PLA2G4F: variants seen among roughly 807,000 people sequenced by gnomAD.
PLA2G4F encodes cytosolic phospholipase A2 zeta.
Under a neutral mutation model 103.1 loss-of-function variants are expected in PLA2G4F, and 105 were observed. That is an observed-to-expected ratio of 1.02 (90% CI 0.87 to 1.20). The LOEUF is 1.20. Among genes scored for constraint, PLA2G4F ranks in the 50% most tolerant of loss-of-function variants. The pLI is 0.00. For synonymous variants in PLA2G4F, 468 were observed against 441.1 expected, an observed-to-expected ratio of 1.06 and a Z score of -0.76; for missense variants, 1,155 against 1,075.9, an observed-to-expected ratio of 1.07 and a Z score of -1.03.
intron 13 of PLA2G4F, 45 bp downstream of exon 13, chr15:42,147,079 G>T: frequency 6.5e-7 from 1 of 1,544,394 alleles, no homozygotes. Flanking sequence ...GCGGGTGGAA[G>T]GAGTGGAGAG....
Position 42,145,802 on chromosome 15 carries a change from G to A in PLA2G4F, c.1636C>T (p.Gln546Ter), listed in dbSNP as rs148651723. Residue 546 changes from glutamine to a stop codon, truncating the protein, a stop_gained, in exon 15 of 20, where the codon CAG becomes TAG. Coordinates refer to ENST00000397272, the MANE Select transcript of PLA2G4F (RefSeq NM_213600.4). LOFTEE classifies it high-confidence loss of function. Reference sequence around the variant, plus strand: ...CAGATCCGGGGTTCAGGCTGGAGCTGCAGCAATCGTCCCATGAAGAGTTCT... The same window carrying A: ...CAGATCCGGGGTTCAGGCTGGAGCTACAGCAATCGTCCCATGAAGAGTTCT... The part of the protein sequence containing the change: ...GSELFMGRLL[Q>*]LQPEPRICYL... 10 of 1,614,000 alleles carry A rather than the reference G, an allele frequency of 6.2e-6. No individual in the cohort carries two copies. The African/African-American group carries it at 1.1e-4, about 17-fold the overall frequency.
Position 42,150,086 on chromosome 15 carries a change from G to A in PLA2G4F, c.923+18C>T. On this transcript the variant is annotated intron_variant, in intron 10 of 19. Transcript: ENST00000397272. ...CTAGCCCAGCCCCAAGAGGCCTTCT[G>A]CCTGGAGTCCCACTCACCTCATTTC... is the stretch of plus-strand genomic sequence containing the variant. 1 of 1,614,136 alleles carries A rather than the reference G, an allele frequency of 6.2e-7. No homozygotes were observed. The highest frequency in any genetic ancestry group is 8.5e-7 in the Non-Finnish European group (1 of 1,180,008).
At chr15:42,147,506 C>T in intron 12 of PLA2G4F, 120 bp downstream of exon 12, 4 of 1,400,200 alleles carry the variant, frequency 2.9e-6, no homozygotes, top group African/African-American at 2.8e-5. Flanking sequence ...TCTTCCTGCC[C>T]CTCCTAACAC....
rs756692917 is a variant in PLA2G4F, at chr15:42,144,576, G to A, written c.1849C>T (p.Pro617Ser). ...LRTRLLTPQG[P>S]FSQAVLDIFT... ...ATGTCCAGCACAGCCTGGGAGAAGG[G>A]CCCCTGTGGGGTGAGGAGCCTCGTT... The change falls in exon 17 of 20, where the codon CCC becomes TCC. Residue 617 changes from proline to serine, a missense_variant. Transcript: ENST00000397272. The A allele has an allele frequency of 8.7e-6, 14 of 1,613,326 alleles. No individual in the cohort carries two copies. The East Asian group carries it at 2.9e-4, about 33-fold the overall frequency.
intron 18 of PLA2G4F, among the ~76,000 whole-genome samples, 184 bp downstream of exon 18, chr15:42,143,794 C>T (rs1160279493): frequency 6.6e-6 from 1 of 152,194 alleles, no homozygotes; most frequent in Non-Finnish European, 1.5e-5. Context: ...GAGACCTGTG[C>T]TGCCAACAGC....
intron 7 of PLA2G4F, 105 bp from the exon 8 acceptor site, chr15:42,150,882 C>T (rs879758430): frequency 9.4e-6 from 14 of 1,496,242 alleles, no homozygotes; most frequent in Non-Finnish European, 1.2e-5. Flanking sequence ...TTCTCTTCCC[C>T]TAGGAAATGC....
rs552241261 is a variant in PLA2G4F at position 42,151,455 on chromosome 15, A to AAAT, written c.602-681_602-679dup. ...GGGGAGGAGGCCAGACCCCAGGGAG[A>AAAT]AATGGCTGCACATGACATCCGGGCA... On this transcript the variant is annotated intron_variant, in intron 7 of 19. Coordinates refer to ENST00000397272, the MANE Select transcript of PLA2G4F (RefSeq NM_213600.4). 72 of 985,096 alleles carry AAAT rather than the reference A, an allele frequency of 7.3e-5. No homozygotes were observed. The African/African-American group carries it at 1.2e-3, about 17-fold the overall frequency. 61.0% of individuals were successfully genotyped at this position (985,096 alleles called of 1,614,324 possible).
Position 42,141,304 on chromosome 15 carries a change from G to A in PLA2G4F, c.*680C>T. On this transcript the variant is annotated 3_prime_UTR_variant, in exon 20 of 20. Coordinates refer to ENST00000397272, the MANE Select transcript of PLA2G4F (RefSeq NM_213600.4). ...AGAGTGAAGCCTGGGTAACTGGCAG[G>A]GAGACACGCGCACATCTCCCACCTG... 2.2e-6 allele frequency: 1 copy of A among 456,696 alleles called. No individual in the cohort carries two copies. The highest frequency in any genetic ancestry group is 4.4e-6 in the Non-Finnish European group (1 of 226,982). The allele number at this position is 456,696 out of a possible 1,614,324, so 28.3% of individuals were successfully genotyped here.
intron 13 of PLA2G4F, 113 bp from the exon 14 acceptor site, chr15:42,146,354 G>A: frequency 1.0e-6 from 1 of 1,003,888 alleles, no homozygotes; most frequent in Non-Finnish European, 1.5e-6. Context: ...GAGGCTTTGG[G>A]TCGCCAAGGC....
At position 42,150,634 on chromosome 15, in the gene PLA2G4F, G is replaced by A; in HGVS notation, c.745C>T (p.Leu249=). Residue 249 remains leucine, a synonymous_variant, in exon 8 of 20, where the codon CTG becomes TTG. Coordinates refer to ENST00000397272, the MANE Select transcript of PLA2G4F (RefSeq NM_213600.4). ...TGCACAGCTGCCAGCAGCTCCATCA[G>A]CTCCACGTGTAGCCTGGAGCTCAGC... ...PVLSSRLHVE[L]MELLAAVQSG... The A allele has an allele frequency of 6.2e-7, 1 of 1,612,428 alleles. No individual in the cohort carries two copies. The highest frequency in any genetic ancestry group is 8.5e-7 in the Non-Finnish European group (1 of 1,179,250).
At chr15:42,150,300 CCCT>C (rs1244706294) in intron 9 of PLA2G4F, 70 bp downstream of exon 9, 100 of 1,538,148 alleles carry the variant, frequency 6.5e-5, no homozygotes, top group African/African-American at 5.5e-5. Flanking sequence ...CCTCTTGGGT[CCCT>C]CCTCCAGACC....
rs1259831057 is a variant in PLA2G4F, at chr15:42,155,556, T to A, written c.145A>T (p.Lys49Ter). The A allele has an allele frequency of 9.9e-6, 16 of 1,614,118 alleles. No individual in the cohort carries two copies. In the East Asian group the frequency reaches 3.6e-4, roughly 36 times the overall value. Residue 49 changes from lysine to a stop codon, truncating the protein, a stop_gained, in exon 2 of 20, where the codon AAG (lysine) becomes TAG (stop). Transcript: ENST00000397272. LOFTEE classifies it high-confidence loss of function. Reference sequence around the variant, plus strand: ...CGGATGTTTGTGGCCCTCAGCACCTTCACCTGGAGGTCATAGTATGGGTAG... The same window carrying A: ...CGGATGTTTGTGGCCCTCAGCACCTACACCTGGAGGTCATAGTATGGGTAG... ...ETYPYYDLQV[K>*]VLRATNIRGT...
At chr15:42,153,453 T>C in intron 5 of PLA2G4F, 111 bp from the exon 6 acceptor site, 1 of 1,503,800 alleles carries the variant, frequency 6.6e-7, no homozygotes, top group Non-Finnish European at 9.2e-7. Context: ...CAGCAGGGTT[T>C]GGAGTGGGGC....
chr15:42,148,181 CAAAA>C (rs59009245), intron 11 of PLA2G4F, among the ~76,000 whole-genome samples: 14 of 85,720 alleles, frequency 1.6e-4, no homozygotes, highest in African/African-American at 2.5e-4. Context: ...GACTCCGTCT[CAAAA>C]AAAAAAAAAA....
At chr15:42,151,267 G>A in intron 7 of PLA2G4F, 5 of 985,216 alleles carry the variant, frequency 5.1e-6, no homozygotes, top group Non-Finnish European at 6.0e-6. Context: ...GGTTTGTAGA[G>A]GCGGGAGGAG....
chr15:42,139,070 A>G lies in PLA2G4F; in HGVS notation c.*2914T>C, dbSNP rs1255231648. The G allele has an allele frequency of 6.6e-6, 1 of 152,250 alleles. No homozygotes were observed. Among genetic ancestry groups the G allele is most frequent in the Non-Finnish European group, 1.5e-5 (1 of 68,060 alleles). 9.4% of individuals were successfully genotyped at this position (152,250 alleles called of 1,614,324 possible). ...AGCAGCTAGGGGACTGCCCAGCTCA[A>G]GTGGCCAAAGTGCAGCCCTGAGAAG... On this transcript the variant is annotated 3_prime_UTR_variant, in exon 20 of 20. Coordinates refer to ENST00000397272, the MANE Select transcript of PLA2G4F (RefSeq NM_213600.4).
At chr15:42,156,287 G>A (rs1048962872) in intron 1 of PLA2G4F, 152 bp downstream of exon 1, 5 of 591,488 alleles carry the variant, frequency 8.5e-6, no homozygotes, top group Non-Finnish European at 1.5e-5. Context: ...TAAGAGCCAA[G>A]GTCTAATTTA....
At chr15:42,150,050 T>G in intron 10 of PLA2G4F, 54 bp downstream of exon 10, 1 of 1,609,578 alleles carries the variant, frequency 6.2e-7, no homozygotes, top group South Asian at 1.1e-5. Flanking sequence ...TTGGGGTATG[T>G]CCCCGCACTT....
At chr15:42,154,056 T>C in intron 4 of PLA2G4F, 36 bp downstream of exon 4, 1 of 1,613,228 alleles carries the variant, frequency 6.2e-7, no homozygotes, top group African/African-American at 1.3e-5. Flanking sequence ...CCTCCCCTCC[T>C]CCAGCTGGGC....
Sources: allele counts gnomAD v4.1 joint callset (sites outside exome capture counted in the v4.1 genomes callset), GRCh38; gene constraint gnomAD v4.1.1; transcripts MANE v1.5; gene names NCBI Gene and HGNC (gene_info 2026-07-23, HGNC 2026-07-21).